The following KALRN variants were observed in gnomAD, a reference collection of about 807,000 sequenced individuals.
KALRN encodes kalirin RhoGEF kinase, also known as kalirin.
Under a neutral mutation model 353.7 loss-of-function variants are expected in KALRN, and 70 were observed. The ratio of observed to expected loss-of-function variants is 0.20; its 90% CI spans 0.16 to 0.24. The LOEUF (loss-of-function observed/expected upper bound fraction) is 0.24. Among genes scored for constraint, KALRN ranks in the 10% least tolerant of loss-of-function variants. KALRN has a pLI of 1.00. For synonymous variants in KALRN, 1,391 were observed against 1,434.8 expected (o/e 0.97, Z 0.69); for missense variants, 2,791 against 3,756.7 (o/e 0.74, Z 6.72).
At chr3:124,381,123 A>C (rs2087307573) in intron 10 of KALRN, among the ~76,000 whole-genome samples, 1 of 152,220 alleles carries the variant, frequency 6.6e-6, no homozygotes, top group Non-Finnish European at 1.5e-5. Flanking sequence ...AGAGGAGGGC[A>C]CATAAGCTAG....
At chr3:124,574,007 G>A (rs745809243) in intron 34 of KALRN, among the ~76,000 whole-genome samples, 3 of 152,186 alleles carry the variant, frequency 2.0e-5, no homozygotes, top group Non-Finnish European at 4.4e-5. Context: ...CCTGTGTGAT[G>A]GGGGTTGTGC....
intron 32 of KALRN, among the ~76,000 whole-genome samples, chr3:124,493,136 G>A (rs1036148529): frequency 6.6e-6 from 1 of 152,222 alleles, no homozygotes; most frequent in African/African-American, 2.4e-5. Context: ...AGTGTAAGAT[G>A]AGTCGATTCC....
intron 6 of KALRN, among the ~76,000 whole-genome samples, chr3:124,320,602 C>G (rs1037503744): frequency 2.0e-5 from 3 of 152,220 alleles, no homozygotes; most frequent in African/African-American, 7.2e-5. Flanking sequence ...GATGGCCCCA[C>G]TTCTGAGCGC....
chr3:124,341,307 C>T (rs923951678), intron 9 of KALRN, among the ~76,000 whole-genome samples: 1 of 152,202 alleles, frequency 6.6e-6, no homozygotes, highest in African/African-American at 2.4e-5. Flanking sequence ...GTTGTTATCC[C>T]TAGTGATGAC....
chr3:124,502,306 A>C (rs1352098704), intron 33 of KALRN, among the ~76,000 whole-genome samples: 1 of 152,114 alleles, frequency 6.6e-6, no homozygotes, highest in African/African-American at 2.4e-5. Flanking sequence ...GAAGGAGTGA[A>C]GGCTGGTCCC....
chr3:124,066,173 C>G (rs1186520070), intron 1 of KALRN, among the ~76,000 whole-genome samples: 1 of 152,144 alleles, frequency 6.6e-6, no homozygotes, highest in African/African-American at 2.4e-5. Flanking sequence ...TTGTGTTGCT[C>G]ATCTGTGCTC....
At chr3:124,598,353 A>G (rs2149426180) in intron 34 of KALRN, among the ~76,000 whole-genome samples, 1 of 152,286 alleles carries the variant, frequency 6.6e-6, no homozygotes, top group East Asian at 1.9e-4. Context: ...TCCCGTAGCC[A>G]GGTGCAAGGT....
Position 124,720,816 on chromosome 3 carries a change from T to G in KALRN, c.*1346T>G, listed in dbSNP as rs1446269109. The stretch of plus-strand genomic sequence containing the variant: ...AAATTAAACCTGGGCATTTCATGGG[T>G]TTTCTTTCTTTATTTTTGTTCATTT... On this transcript the variant is annotated 3_prime_UTR_variant, in exon 60 of 60. Coordinates refer to ENST00000682506, the MANE Select transcript of KALRN (RefSeq NM_001388419.1). 1 of 152,192 alleles carries G rather than the reference T, an allele frequency of 6.6e-6. No homozygotes were observed. The highest frequency in any genetic ancestry group is 6.5e-5 in the Admixed American group (1 of 15,274). 9.4% of individuals were successfully genotyped at this position (152,192 alleles called of 1,614,324 possible).
Position 124,234,831 on chromosome 3 carries a change from G to T in KALRN, c.151G>T (p.Gly51Cys). 6.3e-7 allele frequency: 1 copy of T among 1,594,468 alleles called. No individual in the cohort carries two copies. The highest frequency in any genetic ancestry group is 2.3e-5 in the East Asian group (1 of 43,942). ...TCTTCTCTTCCTCCTTCTTGCAGGGGGTCGTGATAAGCGAGGCGGACCCAT... is the reference window on the plus strand; with the variant it reads ...TCTTCTCTTCCTCCTTCTTGCAGGGTGTCGTGATAAGCGAGGCGGACCCAT... ...LKEKVAFVSG[G>C]RDKRGGPILT... is the part of the protein sequence containing the mutation. Residue 51 changes from glycine to cysteine, a missense_variant and splice_region_variant, in exon 3 of 60, where the codon GGT becomes TGT. This residue lies in a region of KALRN where 110 missense variants were observed against 204.1 expected (regional missense o/e 0.54). Transcript: ENST00000682506.
At chr3:124,138,158 G>A (rs946498072) in intron 1 of KALRN, among the ~76,000 whole-genome samples, 3 of 152,178 alleles carry the variant, frequency 2.0e-5, no homozygotes, top group African/African-American at 7.2e-5. Context: ...CCCTCCTGCA[G>A]CTTTCTCTTT....
At chr3:124,707,429 C>T (rs2062682564) in intron 57 of KALRN, among the ~76,000 whole-genome samples, 1 of 150,806 alleles carries the variant, frequency 6.6e-6, no homozygotes, top group Non-Finnish European at 1.5e-5. Flanking sequence ...TTCCTTCCTT[C>T]CTTCCTTCCT....
Position 124,575,700 on chromosome 3 carries a change from A to G in KALRN, c.5182+12611A>G, listed in dbSNP as rs529369737. ...TCTTCCAGCTTCCAGAGACCACCAC[A>G]CTTTCTCCATCTTCAAAGCCAGCAA... On this transcript the variant is annotated intron_variant, in intron 34 of 59. Coordinates refer to ENST00000682506, the MANE Select transcript of KALRN (RefSeq NM_001388419.1). 1.5e-4 allele frequency among the ~76,000 whole-genome samples: 23 copies of G among 151,964 alleles called. No homozygotes were observed. The South Asian group carries it at 3.7e-3, about 25-fold the overall frequency.
chr3:124,200,595 G>C (rs1489934385), intron 1 of KALRN, among the ~76,000 whole-genome samples: 1 of 152,196 alleles, frequency 6.6e-6, no homozygotes, highest in Non-Finnish European at 1.5e-5. Flanking sequence ...ATAAATTTGG[G>C]GCAGGGGGAC....
intron 6 of KALRN, among the ~76,000 whole-genome samples, chr3:124,317,748 T>TG (rs1395239233): frequency 9.9e-5 from 11 of 111,108 alleles, no homozygotes; most frequent in South Asian, 3.1e-4. Flanking sequence ...AGGCGGGGGC[T>TG]GGGGGGGCAG....
At chr3:124,707,439 T>TTCCC (rs1559876658) in intron 57 of KALRN, among the ~76,000 whole-genome samples, 3 of 146,174 alleles carry the variant, frequency 2.1e-5, no homozygotes, top group African/African-American at 7.5e-5. Context: ...CCTTCCTTCC[T>TTCCC]TCCTTCCCTC....
At chr3:124,073,161 A>G (rs1423051866) in intron 1 of KALRN, among the ~76,000 whole-genome samples, 2 of 152,226 alleles carry the variant, frequency 1.3e-5, no homozygotes, top group Non-Finnish European at 2.9e-5. Context: ...TTTCTGGCTT[A>G]TACATCAGCC....
At chr3:124,530,767 T>C (rs2067975536) in intron 33 of KALRN, among the ~76,000 whole-genome samples, 1 of 152,136 alleles carries the variant, frequency 6.6e-6, no homozygotes, top group African/African-American at 2.4e-5. Flanking sequence ...GTATTTGTCT[T>C]AGTATGGCCC....
intron 19 of KALRN, among the ~76,000 whole-genome samples, chr3:124,445,755 T>C (rs1018879551): frequency 6.6e-6 from 1 of 152,240 alleles, no homozygotes; most frequent in South Asian, 2.1e-4. Flanking sequence ...TCTCTTCTAA[T>C]GAGTCCTTAA....
intron 34 of KALRN, among the ~76,000 whole-genome samples, chr3:124,594,257 C>G (rs146254423): frequency 6.6e-6 from 1 of 152,152 alleles, no homozygotes; most frequent in Non-Finnish European, 1.5e-5. Context: ...GACAGAGTCT[C>G]GCTCTGTCAC....
Sources: allele counts gnomAD v4.1 joint callset (sites outside exome capture counted in the v4.1 genomes callset), GRCh38; gene constraint gnomAD v4.1.1; regional missense constraint gnomAD v4.1.1; transcripts MANE v1.5; gene names NCBI Gene and HGNC (gene_info 2026-07-23, HGNC 2026-07-21).